The following ERGIC1 variants were observed in gnomAD, a reference collection of about 807,000 sequenced individuals.
ERGIC1 encodes endoplasmic reticulum-golgi intermediate compartment 1, also known as endoplasmic reticulum-Golgi intermediate compartment protein 1.
ERGIC1 carries 19 observed loss-of-function variants against 38.3 expected under a neutral mutation model. The ratio of observed to expected loss-of-function variants is 0.50; its 90% CI spans 0.35 to 0.73. The LOEUF is 0.73. ERGIC1 is among the 30% of genes least tolerant of loss of function. The pLI is 0.01. For missense variants in ERGIC1, 294 were observed against 389.2 expected (o/e 0.76, Z 2.06); for synonymous variants, 124 against 157.6 (o/e 0.79, Z 1.60).
chr5:172,856,687 G>A (rs139531556), intron 1 of ERGIC1, among the ~76,000 whole-genome samples: 82 of 152,294 alleles, frequency 5.4e-4, no homozygotes, highest in African/African-American at 1.8e-3. Context: ...AGGGAGCACC[G>A]AAAGTCTTTT....
intron 1 of ERGIC1, among the ~76,000 whole-genome samples, chr5:172,877,440 G>GTATATATA (rs1278756445): frequency 2.4e-4 from 16 of 67,388 alleles, no homozygotes; most frequent in African/African-American, 9.1e-4. Flanking sequence ...GTGTGTGTGT[G>GTATATATA]TATATATATA....
At chr5:172,873,461 C>G (rs9313610) in intron 1 of ERGIC1, among the ~76,000 whole-genome samples, 1 of 152,234 alleles carries the variant, frequency 6.6e-6, no homozygotes, top group Non-Finnish European at 1.5e-5. Flanking sequence ...CCAGGGCCTC[C>G]AGGTGACACA....
At chr5:172,921,865 G>T (rs1020350336) in intron 5 of ERGIC1, among the ~76,000 whole-genome samples, 1 of 152,222 alleles carries the variant, frequency 6.6e-6, no homozygotes, top group Non-Finnish European at 1.5e-5. Flanking sequence ...CCTGAGTAAT[G>T]CAGACTCATC....
In ERGIC1 at chr5:172,949,882, G is replaced by A. The variant is rs189228169; in HGVS notation, c.766-827G>A. Reference sequence around the variant, plus strand: ...AGATCAAGACCATCCTGGCTAACACGGTGAAACACCCCCACCCTGTCTCTA... The same window carrying A: ...AGATCAAGACCATCCTGGCTAACACAGTGAAACACCCCCACCCTGTCTCTA... On this transcript the variant is annotated intron_variant, in intron 9 of 9. Coordinates refer to ENST00000393784, the MANE Select transcript of ERGIC1 (RefSeq NM_001031711.3). Among the ~76,000 whole-genome samples the A allele has an allele frequency of 2.6e-3, 395 of 152,188 alleles. 2 individuals are homozygous for A. The highest frequency in any genetic ancestry group is 9.2e-3 in the African/African-American group (380 of 41,518).
chr5:172,872,580 C>T (rs1043511907), intron 1 of ERGIC1, among the ~76,000 whole-genome samples: 11 of 152,062 alleles, frequency 7.2e-5, no homozygotes, highest in African/African-American at 2.2e-4. Context: ...TTTGGGAGGC[C>T]GAGGCAGGTG....
At chr5:172,943,303 C>T (rs1764050285) in intron 9 of ERGIC1, among the ~76,000 whole-genome samples, 1 of 151,992 alleles carries the variant, frequency 6.6e-6, no homozygotes, top group Non-Finnish European at 1.5e-5. Flanking sequence ...TCCCCAGGCC[C>T]CCGGAGCTCT....
At chr5:172,872,354 G>A (rs1762036985) in intron 1 of ERGIC1, among the ~76,000 whole-genome samples, 3 of 152,196 alleles carry the variant, frequency 2.0e-5, no homozygotes, top group Admixed American at 2.0e-4. Context: ...TCAGATTTGA[G>A]GATCAGATGA....
intron 4 of ERGIC1, among the ~76,000 whole-genome samples, chr5:172,913,556 G>A (rs76404116): frequency 0.032 from 4,922 of 152,336 alleles, 244 homozygotes; most frequent in African/African-American, 0.11. Flanking sequence ...GGAACACAGA[G>A]TTGTTCCCAA....
chr5:172,884,417 T>C (rs1762367376), intron 1 of ERGIC1, among the ~76,000 whole-genome samples: 1 of 152,026 alleles, frequency 6.6e-6, no homozygotes, highest in African/African-American at 2.4e-5. Context: ...TTTGTTGTTG[T>C]TTTTTGTTGT....
chr5:172,885,858 T>C (rs1378645138), intron 1 of ERGIC1, among the ~76,000 whole-genome samples: 3 of 152,164 alleles, frequency 2.0e-5, no homozygotes, highest in Admixed American at 6.5e-5. Flanking sequence ...CCAGGCCTCA[T>C]GTCATCTGCA....
chr5:172,845,383 G>A (rs1015125061), intron 1 of ERGIC1, among the ~76,000 whole-genome samples: 6 of 152,214 alleles, frequency 3.9e-5, no homozygotes, highest in South Asian at 4.1e-4. Context: ...CCAGGAAGGC[G>A]TGCAGCACTT....
chr5:172,908,626 G>T (rs1763118804), intron 3 of ERGIC1, among the ~76,000 whole-genome samples: 1 of 152,000 alleles, frequency 6.6e-6, no homozygotes, highest in South Asian at 2.1e-4. Context: ...GAAGCTGCTG[G>T]CTTTGGAACT....
intron 3 of ERGIC1, among the ~76,000 whole-genome samples, chr5:172,900,916 G>GAAGGGCCTCCGCAGGATGAGCCCT (rs1561725656): frequency 6.6e-6 from 1 of 152,216 alleles, no homozygotes; most frequent in African/African-American, 2.4e-5. Flanking sequence ...GGAGTTGCCC[G>GAAGGGCCTCCGCAGGATGAGCCCT]AAGGGCCTCC....
At position 172,926,486 on chromosome 5, in the gene ERGIC1, C is replaced by A. The variant is rs370637914; in HGVS notation, c.481-23C>A. 4 of 1,613,692 alleles carry A rather than the reference C, an allele frequency of 2.5e-6. No homozygotes were observed. The African/African-American group carries it at 4.0e-5, about 16-fold the overall frequency. ...GAGGTGGAGGTGTCCTGGGGACCAT[C>A]CCCTCACTGCATTTTTCCACAGGTC... On this transcript the variant is annotated intron_variant, in intron 6 of 9. Coordinates refer to ENST00000393784, the MANE Select transcript of ERGIC1 (RefSeq NM_001031711.3). The surrounding 1 kb of genome is among the most constrained non-coding windows in gnomAD (Gnocchi z 5.2).
chr5:172,909,013 G>A (rs1022071549), intron 3 of ERGIC1, among the ~76,000 whole-genome samples: 1 of 152,032 alleles, frequency 6.6e-6, no homozygotes, highest in Non-Finnish European at 1.5e-5. Flanking sequence ...ATTCGTAGTG[G>A]GTGGTGTTAT....
At chr5:172,898,404 C>G (rs928854637) in intron 3 of ERGIC1, 4 of 152,304 alleles carry the variant, frequency 2.6e-5, no homozygotes, top group African/African-American at 9.7e-5. Flanking sequence ...ATCTCCCTAG[C>G]CCACATGTGT....
chr5:172,914,611 T>C (rs1763305498), intron 4 of ERGIC1, 103 bp from the exon 5 acceptor site: 1 of 1,599,770 alleles, frequency 6.3e-7, no homozygotes, highest in African/African-American at 1.3e-5. Flanking sequence ...CAGCCCGGCC[T>C]GCCCCTGCAA....
At chr5:172,893,905 ATGTGTGTGTG>A (rs1554110394) in intron 2 of ERGIC1, among the ~76,000 whole-genome samples, 1 of 15,544 alleles carries the variant, frequency 6.4e-5, no homozygotes, top group Non-Finnish European at 2.1e-4. Context: ...ATATATATAT[ATGTGTGTGTG>A]TGTGTGTGTG....
chr5:172,902,297 G>A (rs192994211), intron 3 of ERGIC1, among the ~76,000 whole-genome samples: 7 of 152,182 alleles, frequency 4.6e-5, no homozygotes, highest in African/African-American at 1.4e-4. Context: ...TAGGAGGCCC[G>A]GAGTGGGGAG....
Sources: allele counts gnomAD v4.1 joint callset (sites outside exome capture counted in the v4.1 genomes callset), GRCh38; gene constraint gnomAD v4.1.1; non-coding constraint Gnocchi (gnomAD v3.1); transcripts MANE v1.5; gene names NCBI Gene and HGNC (gene_info 2026-07-23, HGNC 2026-07-21).